STX8: variants seen among roughly 807,000 people sequenced by gnomAD.
STX8 encodes the protein syntaxin 8.
In STX8, 23 loss-of-function variants were observed where a neutral mutation model predicts 37.5. The ratio of observed to expected loss-of-function variants is 0.61; its 90% CI spans 0.44 to 0.87. The LOEUF (loss-of-function observed/expected upper bound fraction) is 0.87. STX8 is among the 40% of genes least tolerant of loss of function. The pLI is 0.00. For missense variants in STX8, 313 were observed against 284.7 expected, an observed-to-expected ratio of 1.10 and a Z score of -0.71; for synonymous variants, 115 against 99.1, an observed-to-expected ratio of 1.16 and a Z score of -0.95.
intron 4 of STX8, among the ~76,000 whole-genome samples, chr17:9,508,637 G>T (rs1406332972): frequency 6.6e-6 from 1 of 152,174 alleles, no homozygotes; most frequent in Non-Finnish European, 1.5e-5. Flanking sequence ...CTGAATTTTT[G>T]AACTTGAAGA....
intron 1 of STX8, among the ~76,000 whole-genome samples, chr17:9,574,017 T>A (rs546088289): frequency 6.4e-4 from 97 of 152,118 alleles, no homozygotes; most frequent in Non-Finnish European, 1.2e-3. Context: ...ACACCTGTAA[T>A]CCCAGCACTT....
At chr17:9,389,700 CAGTAGTAA>C (rs377577837) in intron 6 of STX8, among the ~76,000 whole-genome samples, 1 of 152,032 alleles carries the variant, frequency 6.6e-6, no homozygotes, top group East Asian at 1.9e-4. Context: ...CTCATAATGG[CAGTAGTAA>C]AGTCATTATG....
chr17:9,536,289 G>T (rs753629868), intron 4 of STX8, among the ~76,000 whole-genome samples: 3 of 152,186 alleles, frequency 2.0e-5, no homozygotes, highest in Non-Finnish European at 4.4e-5. Context: ...GAGTCACTCG[G>T]AAGGGAAAGC....
At chr17:9,539,192 TG>T (rs1906175614) in intron 4 of STX8, among the ~76,000 whole-genome samples, 1 of 152,128 alleles carries the variant, frequency 6.6e-6, no homozygotes, top group African/African-American at 2.4e-5. Context: ...TTAAAGGAAA[TG>T]CTAATCCAAA....
intron 6 of STX8, among the ~76,000 whole-genome samples, chr17:9,451,014 C>T (rs951980473): frequency 1.3e-5 from 2 of 152,106 alleles, no homozygotes; most frequent in African/African-American, 4.8e-5. Context: ...ATGAATAAGA[C>T]AGCCTTACTT....
In STX8 at chr17:9,300,009, C is replaced by T. The variant is rs146571124; in HGVS notation, c.644-49364G>A. 2.9e-3 allele frequency among the ~76,000 whole-genome samples: 441 copies of T among 152,216 alleles called. 3 individuals are homozygous for T. The highest frequency in any genetic ancestry group is 0.024 in the Middle Eastern group (7 of 294). ...TCACCCAAGATAAACATTTGTTTCA[C>T]CAGTGTTTATAAATTTCTGGGGTTG... On this transcript the variant is annotated intron_variant, in intron 7 of 7. Coordinates refer to ENST00000306357, the MANE Select transcript of STX8 (RefSeq NM_004853.3).
chr17:9,538,569 T>C (rs1363245681), intron 4 of STX8, among the ~76,000 whole-genome samples: 1 of 152,228 alleles, frequency 6.6e-6, no homozygotes, highest in Non-Finnish European at 1.5e-5. Context: ...GTTTTGTCAG[T>C]AGTGCAAGAG....
At chr17:9,504,095 T>TTA (rs10610444) in intron 5 of STX8, among the ~76,000 whole-genome samples, 4 of 151,656 alleles carry the variant, frequency 2.6e-5, no homozygotes, top group Admixed American at 6.6e-5. Flanking sequence ...AGGTGTGGAA[T>TTA]TATATATATA....
chr17:9,376,013 C>A (rs1911568192), intron 7 of STX8, among the ~76,000 whole-genome samples: 1 of 152,126 alleles, frequency 6.6e-6, no homozygotes, highest in African/African-American at 2.4e-5. Flanking sequence ...GGACACTTTA[C>A]ATAGTCCATA....
At chr17:9,334,072 T>C (rs890198839) in intron 7 of STX8, among the ~76,000 whole-genome samples, 1 of 150,638 alleles carries the variant, frequency 6.6e-6, no homozygotes, top group African/African-American at 2.4e-5. Context: ...GGAGTGCTGA[T>C]TGGTTGGGTC....
chr17:9,299,824 C>A lies in STX8; in HGVS notation c.644-49179G>T, dbSNP rs1171692754. Among the ~76,000 whole-genome samples, 3 of 152,308 alleles carry A rather than the reference C, an allele frequency of 2.0e-5. No homozygotes were observed. The East Asian group carries it at 5.8e-4, about 29-fold the overall frequency. On this transcript the variant is annotated intron_variant, in intron 7 of 7. Transcript: ENST00000306357. The stretch of plus-strand genomic sequence containing the variant: ...GAGTTACCGCTGTGTCTAGAAGCTA[C>A]CGCTTTAGGCTATTTGTTACTCTAA...
At chr17:9,519,463 G>T (rs749277126) in intron 4 of STX8, among the ~76,000 whole-genome samples, 1 of 151,846 alleles carries the variant, frequency 6.6e-6, no homozygotes, top group Non-Finnish European at 1.5e-5. Context: ...CCTCCCCATT[G>T]GTACTGCCTT....
At chr17:9,369,886 CAA>C (rs60178482) in intron 7 of STX8, among the ~76,000 whole-genome samples, 10 of 52,148 alleles carry the variant, frequency 1.9e-4, no homozygotes, top group African/African-American at 5.1e-4. Context: ...GACCCTGTAC[CAA>C]AAAAAAAAAA....
At chr17:9,336,118 A>G (rs1286927607) in intron 7 of STX8, among the ~76,000 whole-genome samples, 1 of 152,202 alleles carries the variant, frequency 6.6e-6, no homozygotes, top group Non-Finnish European at 1.5e-5. Flanking sequence ...ATACCTGTCA[A>G]CAGCTGTGAA....
intron 7 of STX8, among the ~76,000 whole-genome samples, chr17:9,347,538 C>G (rs971848040): frequency 9.9e-5 from 15 of 152,054 alleles, no homozygotes; most frequent in African/African-American, 3.6e-4. Flanking sequence ...TTTTTTGAGA[C>G]AGGGTCTCAC....
At chr17:9,358,834 T>C (rs1291112504) in intron 7 of STX8, among the ~76,000 whole-genome samples, 1 of 151,942 alleles carries the variant, frequency 6.6e-6, no homozygotes, top group Non-Finnish European at 1.5e-5. Flanking sequence ...GGGGAAAAGA[T>C]TACAAAGAGA....
intron 4 of STX8, among the ~76,000 whole-genome samples, chr17:9,542,695 TAAA>T (rs1597732988): frequency 6.6e-6 from 1 of 151,698 alleles, no homozygotes; most frequent in African/African-American, 2.4e-5. Context: ...AATAAATAAA[TAAA>T]TAAATAAATA....
chr17:9,402,098 GTTTA>G (rs59077711), intron 6 of STX8, among the ~76,000 whole-genome samples: 51,727 of 150,376 alleles, frequency 0.34, 9,942 homozygotes, highest in African/African-American at 0.51. Flanking sequence ...CTTGTATTTT[GTTTA>G]TTTATTTATT....
intron 7 of STX8, among the ~76,000 whole-genome samples, chr17:9,278,047 T>G (rs568919887): frequency 1.2e-4 from 19 of 152,206 alleles, no homozygotes; most frequent in African/African-American, 4.3e-4. Context: ...GGGTATGGTG[T>G]CCAGGTCCAA....
Sources: allele counts gnomAD v4.1 joint callset (sites outside exome capture counted in the v4.1 genomes callset), GRCh38; gene constraint gnomAD v4.1.1; transcripts MANE v1.5; gene names NCBI Gene and HGNC (gene_info 2026-07-23, HGNC 2026-07-21).